The following AGTPBP1 variants were observed in gnomAD, a reference collection of about 807,000 sequenced individuals.
AGTPBP1 encodes the protein ATP/GTP binding carboxypeptidase 1.
A neutral mutation model predicts 143.9 loss-of-function variants in AGTPBP1; 70 were observed. The observed-to-expected ratio is 0.49, with a 90% confidence interval of 0.40 to 0.59. The LOEUF is 0.59. AGTPBP1 is among the 20% of genes least tolerant of loss of function. AGTPBP1 has a pLI of 0.00. For synonymous variants in AGTPBP1, 463 were observed against 500.2 expected, an observed-to-expected ratio of 0.93 and a Z score of 0.99; for missense variants, 1,229 against 1,464.5, an observed-to-expected ratio of 0.84 and a Z score of 2.62.
chr9:85,759,138 A>C, the AGTPBP1 span, among the ~76,000 whole-genome samples: 2 of 152,210 alleles, frequency 1.3e-5, no homozygotes, highest in Non-Finnish European at 2.9e-5. Context: ...TTAGAGACCT[A>C]CAAAGAGACT....
intron 25 of AGTPBP1, among the ~76,000 whole-genome samples, chr9:85,565,833 C>G (rs1055846797): frequency 1.3e-5 from 2 of 152,154 alleles, no homozygotes; most frequent in African/African-American, 4.8e-5. Flanking sequence ...ATTCCAAACA[C>G]CTTCCTTAAG....
intron 4 of AGTPBP1, among the ~76,000 whole-genome samples, chr9:85,679,488 A>G (rs974059790): frequency 2.0e-5 from 3 of 152,102 alleles, no homozygotes; most frequent in Non-Finnish European, 2.9e-5. Flanking sequence ...GCTCACTGCA[A>G]GCTCCGCCTC....
rs1021754514 is a variant in AGTPBP1 at position 85,599,168 on chromosome 9, T to TGAGAGAGG, written c.2336-2727_2336-2720dup. 8.3e-5 allele frequency among the ~76,000 whole-genome samples: 9 copies of TGAGAGAGG among 108,358 alleles called. No individual in the cohort carries two copies. The South Asian group carries it at 3.1e-3, about 37-fold the overall frequency. The allele number at this position is 108,358 out of a possible 152,430, so 71.1% of individuals were successfully genotyped here. A position where few individuals can be genotyped will look rare whatever the true frequency, so the allele number is the denominator to read the frequency against. The stretch of plus-strand genomic sequence containing the variant: ...ACACACACACACAGTAGGGAGCAGG[T>TGAGAGAGG]GAGAGAGGGAGAGAGGGAGAGAGAG... On this transcript the variant is annotated intron_variant, in intron 17 of 25. Coordinates refer to ENST00000357081, the MANE Select transcript of AGTPBP1 (RefSeq NM_001330701.2).
At chr9:85,572,187 T>C (rs62566883) in intron 25 of AGTPBP1, among the ~76,000 whole-genome samples, 2,562 of 151,940 alleles carry the variant, frequency 0.017, 31 homozygotes, top group Middle Eastern at 0.054. Context: ...CCATCATGCT[T>C]GGCTAAATTT....
chr9:85,679,702 C>T (rs1241742003), intron 4 of AGTPBP1, among the ~76,000 whole-genome samples: 1 of 152,198 alleles, frequency 6.6e-6, no homozygotes, highest in African/African-American at 2.4e-5. Flanking sequence ...GCCACCACAC[C>T]CAGCCTTTAA....
the AGTPBP1 span, among the ~76,000 whole-genome samples, chr9:85,802,340 A>T: frequency 6.6e-6 from 1 of 152,058 alleles, no homozygotes; most frequent in African/African-American, 2.4e-5. Context: ...CTCTGCCCTT[A>T]TCTTCCCCTT....
chr9:85,670,193 TG>T (rs1834396570), intron 7 of AGTPBP1, among the ~76,000 whole-genome samples: 1 of 152,066 alleles, frequency 6.6e-6, no homozygotes, highest in African/African-American at 2.4e-5. Flanking sequence ...AACATCACAA[TG>T]TGAGCAGTTA....
chr9:85,792,810 T>C, the AGTPBP1 span, among the ~76,000 whole-genome samples: 40 of 152,212 alleles, frequency 2.6e-4, no homozygotes, highest in African/African-American at 8.4e-4. Flanking sequence ...ACTTTGAAAA[T>C]TGAAGCATCA....
chr9:85,684,917 G>C (rs1461557358), intron 3 of AGTPBP1, among the ~76,000 whole-genome samples: 1 of 151,516 alleles, frequency 6.6e-6, no homozygotes, highest in Non-Finnish European at 1.5e-5. Context: ...TGAAAAGATG[G>C]GAAAACACAG....
At chr9:85,796,754 A>T in the AGTPBP1 span, among the ~76,000 whole-genome samples, 1 of 152,164 alleles carries the variant, frequency 6.6e-6, no homozygotes, top group African/African-American at 2.4e-5. Flanking sequence ...ATACCCCATA[A>T]ATATATACAT....
chr9:85,681,584 C>T (rs1231815850), intron 3 of AGTPBP1, among the ~76,000 whole-genome samples: 1 of 151,992 alleles, frequency 6.6e-6, no homozygotes, highest in Non-Finnish European at 1.5e-5. Context: ...CCTATTCATC[C>T]ATTTAAAATC....
rs754430745 is a variant in AGTPBP1, at chr9:85,632,848, G to A, written c.1829C>T (p.Ser610Leu). 2.2e-5 allele frequency: 36 copies of A among 1,613,996 alleles called. No individual in the cohort carries two copies. Among genetic ancestry groups the A allele is most frequent in the East Asian group, 4.5e-5 (2 of 44,886 alleles). Residue 610 changes from serine (S) to leucine (L), a missense_variant, in exon 14 of 26, where the codon TCG becomes TTG. Ser to Leu is a moderately radical substitution (Grantham distance 145). Coordinates refer to ENST00000357081, the MANE Select transcript of AGTPBP1 (RefSeq NM_001330701.2). ...TACTTCAACCGATGCTTGTTCTACC[G>A]ATGAATTTGACTCAGTATCTTCATC... ...EDDEDTESNSSVEQASVEVPD... is the reference protein window; with the variant it reads ...EDDEDTESNSLVEQASVEVPD...
the AGTPBP1 span, among the ~76,000 whole-genome samples, chr9:85,747,335 A>G: frequency 6.6e-6 from 1 of 152,174 alleles, no homozygotes; most frequent in African/African-American, 2.4e-5. Flanking sequence ...CTTCTTTTTC[A>G]AGATGATTTT....
intron 14 of AGTPBP1, among the ~76,000 whole-genome samples, chr9:85,632,266 G>A (rs1276530204): frequency 6.6e-6 from 1 of 152,046 alleles, no homozygotes; most frequent in Non-Finnish European, 1.5e-5. Flanking sequence ...TAGTTGCCCT[G>A]TTGTGATTTA....
the AGTPBP1 span, chr9:85,765,165 G>T: frequency 3.0e-6 from 1 of 331,438 alleles, no homozygotes; most frequent in African/African-American, 2.1e-5. Context: ...CCAGGCATTT[G>T]GAAACTATTA....
chr9:85,682,856 A>C (rs1011965006), intron 3 of AGTPBP1, among the ~76,000 whole-genome samples: 16 of 152,212 alleles, frequency 1.1e-4, no homozygotes, highest in African/African-American at 3.6e-4. Context: ...CATCACTTGA[A>C]AATTAAGTTA....
At chr9:85,762,013 T>G in the AGTPBP1 span, among the ~76,000 whole-genome samples, 1 of 152,128 alleles carries the variant, frequency 6.6e-6, no homozygotes, top group East Asian at 1.9e-4. Context: ...AACAGACACA[T>G]GAAAAAATGC....
chr9:85,672,209 T>TA (rs1291990360), intron 7 of AGTPBP1, among the ~76,000 whole-genome samples: 2 of 152,058 alleles, frequency 1.3e-5, no homozygotes, highest in African/African-American at 4.8e-5. Flanking sequence ...TAGTCAGGAT[T>TA]AGGCGCCCAC....
the AGTPBP1 span, among the ~76,000 whole-genome samples, chr9:85,765,531 T>A: frequency 1.3e-5 from 2 of 152,174 alleles, no homozygotes; most frequent in Non-Finnish European, 2.9e-5. Context: ...TTTAAAACTA[T>A]GTAGAAGATG....
Sources: allele counts gnomAD v4.1 joint callset (sites outside exome capture counted in the v4.1 genomes callset), GRCh38; gene constraint gnomAD v4.1.1; transcripts MANE v1.5; gene names NCBI Gene and HGNC (gene_info 2026-07-23, HGNC 2026-07-21).